The following CEBPG variants were observed in gnomAD, a reference collection of about 807,000 sequenced individuals.
CEBPG encodes CCAAT/enhancer-binding protein gamma.
In CEBPG, 6 loss-of-function variants were observed where a neutral mutation model predicts 11.1. The observed-to-expected ratio is 0.54, with a 90% CI of 0.30 to 1.07. The LOEUF is 1.07. CEBPG is among the 50% of genes least tolerant of loss of function. CEBPG has a pLI of 0.07. For missense variants in CEBPG, 161 were observed against 187.4 expected (o/e 0.86, Z 0.82); for synonymous variants, 66 against 71.0 (o/e 0.93, Z 0.36).
chr19:33,382,328 T>A lies in CEBPG; in HGVS notation c.*2636T>A, dbSNP rs1413317884. ...CGAAATGCAGGTCATGAGTGTGAAA[T>A]TCTCAAATTTACATAAAAAGTAGAA... On this transcript the variant is annotated 3_prime_UTR_variant, in exon 2 of 2. Coordinates refer to ENST00000284000, the MANE Select transcript of CEBPG (RefSeq NM_001806.4). 2.6e-4 allele frequency: 44 copies of A among 167,088 alleles called. 2 individuals carry two copies. The Admixed American group carries it at 2.9e-3, about 11-fold the overall frequency. 10.4% of individuals were successfully genotyped at this position (167,088 alleles called of 1,614,324 possible). A position where few individuals can be genotyped will look rare whatever the true frequency, so the allele number is the denominator to read the frequency against.
chr19:33,379,596 A>G lies in CEBPG; in HGVS notation c.357A>G (p.Lys119=). The part of the protein sequence containing the change: ...KLLTKELSVL[K]DLFLEHAHNL... ...TGACCAAGGAATTAAGTGTACTCAA[A>G]GATTTGTTTCTTGAGCATGCACACA... is the stretch of plus-strand genomic sequence containing the variant. The change falls in exon 2 of 2, where the codon AAA becomes AAG. Residue 119 remains lysine (K), a synonymous_variant. Transcript: ENST00000284000. The G allele has an allele frequency of 6.2e-7, 1 of 1,614,170 alleles. No individual in the cohort carries two copies. The highest frequency in any genetic ancestry group is 8.5e-7 in the Non-Finnish European group (1 of 1,180,014).
chr19:33,378,908 G>A (rs1568438092), intron 1 of CEBPG, among the ~76,000 whole-genome samples: 1 of 152,226 alleles, frequency 6.6e-6, no homozygotes, highest in African/African-American at 2.4e-5. Flanking sequence ...CAATCGCAGA[G>A]GGGCAGTGCC....
chr19:33,379,734 T>TGA lies in CEBPG; in HGVS notation c.*42_*43insGA. The TGA allele has an allele frequency of 6.5e-7, 1 of 1,540,098 alleles. No individual in the cohort carries two copies. Among genetic ancestry groups the TGA allele is most frequent in the Non-Finnish European group, 8.8e-7 (1 of 1,137,074 alleles). On this transcript the variant is annotated 3_prime_UTR_variant, in exon 2 of 2. Transcript: ENST00000284000. ...ACTTTAGAGCTTGTGGCTTGAATGT[T>TGA]AAAGGTGTGACCACCGACACCACTC...
chr19:33,379,276 G>C lies in CEBPG; in HGVS notation c.37G>C (p.Val13Leu), dbSNP rs779644444. 1.2e-5 allele frequency: 19 copies of C among 1,583,744 alleles called. No homozygotes were observed. The South Asian group carries it at 2.2e-4, about 18-fold the overall frequency. Residue 13 changes from valine (V) to leucine (L), a missense_variant, in exon 2 of 2, where the codon GTG becomes CTG. Physicochemically the swap from Val to Leu is conservative, Grantham distance 32. Coordinates refer to ENST00000284000, the MANE Select transcript of CEBPG (RefSeq NM_001806.4). ...KISQQNSTPG[V>L]NGISVIHTQA... ...ATCGCAGCAAAACAGCACTCCAGGG[G>C]TGAACGGAATTAGTGTTATCCATAC...
In CEBPG at chr19:33,381,085, T is replaced by TTC. The variant is rs1248756649; in HGVS notation, c.*1397_*1398dup. Reference sequence around the variant, plus strand: ...TCTTCTCTCTTTTGCTTTCTTTTCTTTCTCTTTTTTTCTTAGCACAGTTCT... The same window carrying TTC: ...TCTTCTCTCTTTTGCTTTCTTTTCTTTCTCTCTTTTTTTCTTAGCACAGTTCT... On this transcript the variant is annotated 3_prime_UTR_variant, in exon 2 of 2. Transcript: ENST00000284000. 4 of 167,082 alleles carry TTC rather than the reference T, an allele frequency of 2.4e-5. No individual in the cohort carries two copies. Among genetic ancestry groups the TTC allele is most frequent in the African/African-American group, 9.6e-5 (4 of 41,452 alleles). 10.3% of individuals were successfully genotyped at this position (167,082 alleles called of 1,614,324 possible).
intron 1 of CEBPG, among the ~76,000 whole-genome samples, chr19:33,378,606 T>C (rs922708670): frequency 3.9e-5 from 6 of 152,104 alleles, no homozygotes; most frequent in South Asian, 2.1e-4. Context: ...TTTCAAAATA[T>C]CCGATGAAGA....
chr19:33,379,917 C>A lies in CEBPG; in HGVS notation c.*225C>A, dbSNP rs370627230. The A allele has an allele frequency of 4.6e-5, 21 of 455,432 alleles. No individual in the cohort carries two copies. In the East Asian group the frequency reaches 6.6e-4, roughly 14 times the overall value. 28.2% of individuals were successfully genotyped at this position (455,432 alleles called of 1,614,324 possible). On this transcript the variant is annotated 3_prime_UTR_variant, in exon 2 of 2. Transcript: ENST00000284000. ...AGAGGTTTTTGTGGGAATCAAAATC[C>A]CCCAAATGTTAAGGTATATGGTAAA...
intron 1 of CEBPG, among the ~76,000 whole-genome samples, chr19:33,375,427 G>A (rs1967900394): frequency 6.6e-6 from 1 of 152,110 alleles, no homozygotes; most frequent in Non-Finnish European, 1.5e-5. Flanking sequence ...GTTCTTGGGA[G>A]GGTTGGTTCC....
Position 33,379,204 on chromosome 19 carries a change from T to C in CEBPG, c.-36T>C. ...AACCATTGATCACCCTGCTCTCATT[T>C]CTACCTGTTCTGTGTTGGCAAGGGA... On this transcript the variant is annotated 5_prime_UTR_variant, in exon 2 of 2. Transcript: ENST00000284000. 1 of 1,502,220 alleles carries C rather than the reference T, an allele frequency of 6.7e-7. No individual in the cohort carries two copies. Among genetic ancestry groups the C allele is most frequent in the Non-Finnish European group, 8.9e-7 (1 of 1,124,856 alleles). 93.1% of individuals were successfully genotyped at this position (1,502,220 alleles called of 1,614,324 possible).
At position 33,381,610 on chromosome 19, in the gene CEBPG, TAATTG is replaced by T. The variant is rs1967990313; in HGVS notation, c.*1919_*1923del. On this transcript the variant is annotated 3_prime_UTR_variant, in exon 2 of 2. Coordinates refer to ENST00000284000, the MANE Select transcript of CEBPG (RefSeq NM_001806.4). ...GCTGATTGGTGTTACATAATTAACT[TAATTG>T]GAGATGCATTAGGTCACTTGAATGT... The T allele has an allele frequency of 6.0e-6, 1 of 167,092 alleles. No individual in the cohort carries two copies. The highest frequency in any genetic ancestry group is 1.5e-5 in the Non-Finnish European group (1 of 68,124). The allele number at this position is 167,092 out of a possible 1,614,324, so 10.4% of individuals were successfully genotyped here.
In CEBPG at chr19:33,379,317, C is replaced by T. The variant is rs550109192; in HGVS notation, c.78C>T (p.Ser26=). 1.7e-5 allele frequency: 28 copies of T among 1,611,470 alleles called. No individual in the cohort carries two copies. The highest frequency in any genetic ancestry group is 1.3e-4 in the Admixed American group (8 of 59,544). ...ISVIHTQAHA[S]GLQQVPQLVP... ...TTATCCATACCCAGGCACATGCCAGCGGCTTACAGCAGGTTCCTCAGCTGG... is the reference window on the plus strand; with the variant it reads ...TTATCCATACCCAGGCACATGCCAGTGGCTTACAGCAGGTTCCTCAGCTGG... Residue 26 remains serine (S), a synonymous_variant, in exon 2 of 2, where the codon AGC becomes AGT. Transcript: ENST00000284000.
At chr19:33,377,484 G>GT (rs1283838631) in intron 1 of CEBPG, among the ~76,000 whole-genome samples, 1 of 152,160 alleles carries the variant, frequency 6.6e-6, no homozygotes, top group African/African-American at 2.4e-5. Flanking sequence ...GATTATGATT[G>GT]TTAAGACAGT....
rs980351788 is a variant in CEBPG at position 33,380,882 on chromosome 19, G to C, written c.*1190G>C. ...TGGGCTTTCCAGACTTTGTACCACT[G>C]CTTCTGTTTATTCATTTATATGCTT... On this transcript the variant is annotated 3_prime_UTR_variant, in exon 2 of 2. Coordinates refer to ENST00000284000, the MANE Select transcript of CEBPG (RefSeq NM_001806.4). 1.2e-5 allele frequency: 2 copies of C among 166,808 alleles called. No homozygotes were observed. Among genetic ancestry groups the C allele is most frequent in the Non-Finnish European group, 1.5e-5 (1 of 68,096 alleles). 10.3% of individuals were successfully genotyped at this position (166,808 alleles called of 1,614,324 possible).
rs749232078 is a variant in CEBPG, at chr19:33,379,342, G to A, written c.103G>A (p.Val35Met). 3.1e-6 allele frequency: 5 copies of A among 1,613,964 alleles called. No homozygotes were observed. In the South Asian group the frequency reaches 5.5e-5, roughly 18 times the overall value. ...ASGLQQVPQL[V>M]PAGPGGGGKA... ...CGGCTTACAGCAGGTTCCTCAGCTGGTGCCTGCTGGCCCTGGGGGAGGAGG... is the reference window on the plus strand; with the variant it reads ...CGGCTTACAGCAGGTTCCTCAGCTGATGCCTGCTGGCCCTGGGGGAGGAGG... The change falls in exon 2 of 2, where the codon GTG becomes ATG. Residue 35 changes from valine (V) to methionine (M), a missense_variant. Val to Met is a conservative substitution (Grantham distance 21). Coordinates refer to ENST00000284000, the MANE Select transcript of CEBPG (RefSeq NM_001806.4).
rs919854055 is a variant in CEBPG, at chr19:33,380,395, A to G, written c.*703A>G. ...ACAAAAATAAAACTAAAGCATAGGA[A>G]TTATGTTTTTGAGATACCTTTGGGC... On this transcript the variant is annotated 3_prime_UTR_variant, in exon 2 of 2. Transcript: ENST00000284000. 3.6e-5 allele frequency: 6 copies of G among 166,768 alleles called. No individual in the cohort carries two copies. Among genetic ancestry groups the G allele is most frequent in the African/African-American group, 1.4e-4 (6 of 41,468 alleles). 10.3% of individuals were successfully genotyped at this position (166,768 alleles called of 1,614,324 possible).
chr19:33,377,856 G>C (rs1169426047), intron 1 of CEBPG, among the ~76,000 whole-genome samples: 1 of 152,198 alleles, frequency 6.6e-6, no homozygotes, highest in African/African-American at 2.4e-5. Flanking sequence ...TTTTTAAAAA[G>C]AGACCAATAA....
chr19:33,379,074 G>A, intron 1 of CEBPG, 70 bp from the exon 2 acceptor site: 1 of 566,714 alleles, frequency 1.8e-6, no homozygotes, highest in East Asian at 3.0e-5. Flanking sequence ...CTGATGTTAG[G>A]TACGTACAAG....
chr19:33,380,635 G>A lies in CEBPG; in HGVS notation c.*943G>A, dbSNP rs563608834. 1.3e-4 allele frequency: 22 copies of A among 167,120 alleles called. No individual in the cohort carries two copies. Among genetic ancestry groups the A allele is most frequent in the Non-Finnish European group, 2.1e-4 (14 of 68,110 alleles). The allele number at this position is 167,120 out of a possible 1,614,324, so 10.4% of individuals were successfully genotyped here. A position where few individuals can be genotyped will look rare whatever the true frequency, so the allele number is the denominator to read the frequency against. ...GGTAGTTTCTCTTGTGTTCAAAATA[G>A]CTGCCATGGGGCTGTTACTTTTAAA... is the stretch of plus-strand genomic sequence containing the variant. On this transcript the variant is annotated 3_prime_UTR_variant, in exon 2 of 2. Coordinates refer to ENST00000284000, the MANE Select transcript of CEBPG (RefSeq NM_001806.4).
rs1352148059 is a variant in CEBPG, at chr19:33,380,705, C to A, written c.*1013C>A. 6.0e-6 allele frequency: 1 copy of A among 166,830 alleles called. No homozygotes were observed. Among genetic ancestry groups the A allele is most frequent in the Non-Finnish European group, 1.5e-5 (1 of 68,124 alleles). The allele number at this position is 166,830 out of a possible 1,614,324, so 10.3% of individuals were successfully genotyped here. A position where few individuals can be genotyped will look rare whatever the true frequency, so the allele number is the denominator to read the frequency against. On this transcript the variant is annotated 3_prime_UTR_variant, in exon 2 of 2. Coordinates refer to ENST00000284000, the MANE Select transcript of CEBPG (RefSeq NM_001806.4). ...GGCTCATTTTGGTATTTGATCTTAA[C>A]CAAGTGATTATTAGAGAAATGTATC... is the stretch of plus-strand genomic sequence containing the variant.
Sources: allele counts gnomAD v4.1 joint callset (sites outside exome capture counted in the v4.1 genomes callset), GRCh38; gene constraint gnomAD v4.1.1; transcripts MANE v1.5; gene names NCBI Gene and HGNC (gene_info 2026-07-23, HGNC 2026-07-21).